The following SRFBP1 variants were observed in gnomAD, a reference collection of about 807,000 sequenced individuals.
SRFBP1 encodes the protein serum response factor binding protein 1, also known as serum response factor-binding protein 1.
In SRFBP1, 47 loss-of-function variants were observed where a neutral mutation model predicts 45.5. That is an observed-to-expected ratio of 1.03 (90% confidence interval 0.82 to 1.32). SRFBP1 has a LOEUF of 1.32. Among genes scored for constraint, SRFBP1 ranks in the 40% most tolerant of loss-of-function variants. SRFBP1 has a pLI of 0.00. For missense variants in SRFBP1, 621 were observed against 484.6 expected (o/e 1.28, Z -2.64); for synonymous variants, 203 against 166.3 (o/e 1.22, Z -1.70).
chr5:121,998,699 C>T lies in SRFBP1; in HGVS notation c.270+4029C>T, dbSNP rs71592584. Among the ~76,000 whole-genome samples the T allele has an allele frequency of 6.4e-3, 966 of 151,368 alleles. 5 individuals are homozygous for T. Among genetic ancestry groups the T allele is most frequent in the Middle Eastern group, 0.01 (3 of 290 alleles). On this transcript the variant is annotated intron_variant, in intron 4 of 7. Coordinates refer to ENST00000339397, the MANE Select transcript of SRFBP1 (RefSeq NM_152546.3). ...AAACTAAGATGCTTTATTACTTTTC[C>T]AAATATTTTTTATGAATATCTCATT...
At chr5:122,012,270 A>C (rs1753113120) in intron 4 of SRFBP1, among the ~76,000 whole-genome samples, 1 of 152,096 alleles carries the variant, frequency 6.6e-6, no homozygotes, top group Non-Finnish European at 1.5e-5. Flanking sequence ...AAAATTAAAG[A>C]TTTAAAATGA....
intron 2 of SRFBP1, among the ~76,000 whole-genome samples, chr5:122,067,767 C>T (rs1015089022): frequency 6.6e-6 from 1 of 152,146 alleles, no homozygotes; most frequent in African/African-American, 2.4e-5. Context: ...CCTGCAGTTT[C>T]CTCCTGCCAT....
intron 1 of SRFBP1, among the ~76,000 whole-genome samples, chr5:121,963,964 A>G (rs1752007284): frequency 6.6e-6 from 1 of 152,204 alleles, no homozygotes; most frequent in Non-Finnish European, 1.5e-5. Context: ...TACAGCAGAT[A>G]TGACAAAGGG....
At chr5:121,991,190 TCTA>T (rs1278750062) in intron 3 of SRFBP1, among the ~76,000 whole-genome samples, 1 of 152,186 alleles carries the variant, frequency 6.6e-6, no homozygotes, top group African/African-American at 2.4e-5. Flanking sequence ...TCTTCTGGAT[TCTA>T]CTGAGTTTTT....
intron 4 of SRFBP1, among the ~76,000 whole-genome samples, chr5:122,004,325 C>G (rs893831826): frequency 2.6e-5 from 4 of 151,980 alleles, no homozygotes; most frequent in Non-Finnish European, 5.9e-5. Context: ...ACATAGTGGT[C>G]TAATTTTTTT....
chr5:122,020,050 T>G lies in SRFBP1; in HGVS notation c.353-38T>G, dbSNP rs768137366. ...CTAAAACAGTCATGTTTTATATGTTTCAGTGCTAAAATGAGTGATGCACTG... is the reference window on the plus strand; with the variant it reads ...CTAAAACAGTCATGTTTTATATGTTGCAGTGCTAAAATGAGTGATGCACTG... On this transcript the variant is annotated intron_variant, in intron 5 of 7. Coordinates refer to ENST00000339397, the MANE Select transcript of SRFBP1 (RefSeq NM_152546.3). 2.1e-5 allele frequency: 29 copies of G among 1,359,644 alleles called. 2 individuals are homozygous for G. The South Asian group carries it at 4.0e-4, about 19-fold the overall frequency. The allele number at this position is 1,359,644 out of a possible 1,614,324, so 84.2% of individuals were successfully genotyped here. A position where few individuals can be genotyped will look rare whatever the true frequency, so the allele number is the denominator to read the frequency against.
At chr5:122,043,670 ATACTC>A (rs1214234874) in intron 2 of SRFBP1, among the ~76,000 whole-genome samples, 3 of 152,114 alleles carry the variant, frequency 2.0e-5, no homozygotes, top group African/African-American at 7.2e-5. Flanking sequence ...GTAATTTTGT[ATACTC>A]TACTTAATAA....
chr5:121,965,851 C>T (rs1030271249), intron 1 of SRFBP1, among the ~76,000 whole-genome samples: 2 of 152,116 alleles, frequency 1.3e-5, no homozygotes, highest in African/African-American at 4.8e-5. Flanking sequence ...TTGTATGTGT[C>T]CTCTCTTATT....
At chr5:122,029,635 C>A (rs1462144912), downstream of SRFBP1, among the ~76,000 whole-genome samples, 2 of 152,114 alleles carry the variant, frequency 1.3e-5, no homozygotes, top group African/African-American at 4.8e-5. Context: ...TTTTGGGGTT[C>A]TTCTGTCTGC....
At chr5:121,967,539 CA>C (rs1162274429) in intron 1 of SRFBP1, among the ~76,000 whole-genome samples, 1 of 152,066 alleles carries the variant, frequency 6.6e-6, no homozygotes, top group Non-Finnish European at 1.5e-5. Flanking sequence ...CCTCTTCATA[CA>C]AAAATAATTT....
chr5:122,019,994 A>T (rs1035653217), intron 5 of SRFBP1, 94 bp from the exon 6 acceptor site: 2 of 811,508 alleles, frequency 2.5e-6, no homozygotes, highest in Non-Finnish European at 3.6e-6. Flanking sequence ...GCCCTCTTAA[A>T]TCTTTTCAAA....
At chr5:121,981,553 CTTTTTTT>C (rs71623244) in intron 3 of SRFBP1, among the ~76,000 whole-genome samples, 1 of 134,728 alleles carries the variant, frequency 7.4e-6, no homozygotes, top group Non-Finnish European at 1.6e-5. Context: ...TACCCTGTAC[CTTTTTTT>C]TTTTTTTTTT....
intron 4 of SRFBP1, among the ~76,000 whole-genome samples, chr5:122,001,423 A>C (rs1210029078): frequency 7.9e-6 from 1 of 126,752 alleles, no homozygotes; most frequent in Admixed American, 7.8e-5. Flanking sequence ...TTTTATTTTT[A>C]TTTTTCTCAG....
intron 2 of SRFBP1, chr5:122,066,749 C>T: frequency 6.3e-7 from 1 of 1,593,214 alleles, no homozygotes; most frequent in Non-Finnish European, 8.6e-7. Flanking sequence ...CCTTCTAATA[C>T]CTAGATTAAG....
intron 4 of SRFBP1, among the ~76,000 whole-genome samples, chr5:122,003,082 C>T (rs1463579460): frequency 1.3e-5 from 2 of 151,962 alleles, no homozygotes; most frequent in African/African-American, 4.8e-5. Context: ...GGCGGCTCAC[C>T]CTGTAGTCCC....
At chr5:121,975,462 T>G in intron 3 of SRFBP1, 75 bp downstream of exon 3, 3 of 1,518,254 alleles carry the variant, frequency 2.0e-6, no homozygotes, top group African/African-American at 2.8e-5. Context: ...TTGTGTGTGG[T>G]ATTGCTTATT....
downstream of SRFBP1, among the ~76,000 whole-genome samples, chr5:122,076,544 C>A (rs1754640592): frequency 6.6e-6 from 1 of 152,118 alleles, no homozygotes; most frequent in Non-Finnish European, 1.5e-5. Flanking sequence ...CCTTCCATTA[C>A]AATAAATTTT....
At chr5:121,992,958 T>C (rs577159860) in intron 3 of SRFBP1, among the ~76,000 whole-genome samples, 1 of 152,228 alleles carries the variant, frequency 6.6e-6, no homozygotes, top group African/African-American at 2.4e-5. Flanking sequence ...GCCCCTTGTC[T>C]CCGACCCAGG....
At chr5:121,971,875 G>C (rs995376550) in intron 1 of SRFBP1, among the ~76,000 whole-genome samples, 3 of 151,964 alleles carry the variant, frequency 2.0e-5, no homozygotes, top group African/African-American at 7.2e-5. Context: ...GATTTCAGGG[G>C]CTTTTTTGGA....
Sources: allele counts gnomAD v4.1 joint callset (sites outside exome capture counted in the v4.1 genomes callset), GRCh38; gene constraint gnomAD v4.1.1; transcripts MANE v1.5; gene names NCBI Gene and HGNC (gene_info 2026-07-23, HGNC 2026-07-21).